NFIB: variants seen among roughly 807,000 people sequenced by gnomAD.
NFIB encodes nuclear factor I B, also known as nuclear factor 1 B-type.
Under a neutral mutation model 61.5 loss-of-function variants are expected in NFIB, and 11 were observed. The observed-to-expected ratio is 0.18, with a 90% CI of 0.11 to 0.30. The LOEUF (loss-of-function observed/expected upper bound fraction) is 0.30. Ranked by LOEUF, NFIB falls within the 10% of genes least tolerant of loss-of-function variation. The probability of loss-of-function intolerance (pLI) is 1.00; values close to 1 mark genes in which losing one functional copy is unlikely to be tolerated. For synonymous variants in NFIB, 260 were observed against 216.5 expected, an observed-to-expected ratio of 1.20 and a Z score of -1.76; for missense variants, 471 against 608.9, an observed-to-expected ratio of 0.77 and a Z score of 2.38.
intron 2 of NFIB, among the ~76,000 whole-genome samples, chr9:14,212,998 C>T (rs763347280): frequency 6.6e-5 from 10 of 152,164 alleles, no homozygotes; most frequent in Non-Finnish European, 1.0e-4. Context: ...CACACAAACA[C>T]AATATGCATC....
the NFIB span, among the ~76,000 whole-genome samples, chr9:14,420,463 A>AAC: frequency 6.6e-6 from 1 of 150,542 alleles, no homozygotes; most frequent in Non-Finnish European, 1.5e-5. Flanking sequence ...AAAAAAAAAA[A>AAC]AAAAAAAGAT....
the NFIB span, among the ~76,000 whole-genome samples, chr9:14,438,752 G>C: frequency 2.4e-4 from 37 of 152,216 alleles, 1 homozygote; most frequent in South Asian, 6.9e-3. Flanking sequence ...AACCTCGTGA[G>C]CGGGGGCTGA....
intron 2 of NFIB, among the ~76,000 whole-genome samples, chr9:14,249,022 C>T (rs1285264891): frequency 6.6e-6 from 1 of 152,196 alleles, no homozygotes; most frequent in Non-Finnish European, 1.5e-5. Context: ...CCCTTTCTCA[C>T]TTCAGTCTGT....
At chr9:14,116,478 T>A in intron 8 of NFIB, 132 bp from the exon 9 acceptor site, 1 of 910,910 alleles carries the variant, frequency 1.1e-6, no homozygotes, top group Non-Finnish European at 1.5e-6. Context: ...CCCTCTCGAG[T>A]CGGAGTCGGA....
Position 14,307,893 on chromosome 9 carries a change from G to A in NFIB, c.31-373C>T, listed in dbSNP as rs528170875. The A allele has an allele frequency of 8.1e-5, 14 of 172,074 alleles. No individual in the cohort carries two copies. Among genetic ancestry groups the A allele is most frequent in the South Asian group, 2.9e-4 (2 of 6,860 alleles). The allele number at this position is 172,074 out of a possible 1,614,324, so 10.7% of individuals were successfully genotyped here. Reference sequence around the variant, plus strand: ...CACCTAATATAGTATTTCAATATTTGATTGACCAACTAACACTATGCAGTA... The same window carrying A: ...CACCTAATATAGTATTTCAATATTTAATTGACCAACTAACACTATGCAGTA... On this transcript the variant is annotated intron_variant, in intron 1 of 10. Transcript: ENST00000380953. The surrounding 1 kb of genome is among the most constrained non-coding windows in gnomAD (Gnocchi z 5.3).
In NFIB at chr9:14,249,819, T is replaced by C. The variant is rs114363937; in HGVS notation, c.562+57170A>G. On this transcript the variant is annotated intron_variant, in intron 2 of 10. Transcript: ENST00000380953. Reference sequence around the variant, plus strand: ...ACCCCTTCACCACCCTTAAGCCCTTTCTTGAGATAATTTAGGGCCTAGCAA... The same window carrying C: ...ACCCCTTCACCACCCTTAAGCCCTTCCTTGAGATAATTTAGGGCCTAGCAA... Among the ~76,000 whole-genome samples the C allele has an allele frequency of 3.8e-3, 571 of 152,166 alleles. 2 individuals are homozygous for C. The highest frequency in any genetic ancestry group is 0.013 in the African/African-American group (555 of 41,488).
At chr9:14,346,195 C>T (rs1255361494) in intron 1 of NFIB, among the ~76,000 whole-genome samples, 1 of 151,484 alleles carries the variant, frequency 6.6e-6, no homozygotes, top group East Asian at 2.0e-4. Flanking sequence ...GCGCCGGAGT[C>T]AAGTCTCCTG....
intron 2 of NFIB, among the ~76,000 whole-genome samples, chr9:14,240,158 T>C (rs949545260): frequency 3.3e-5 from 5 of 152,156 alleles, no homozygotes; most frequent in Non-Finnish European, 7.4e-5. Context: ...GTGTAGCCTA[T>C]GGAAACATTT....
intron 8 of NFIB, among the ~76,000 whole-genome samples, chr9:14,119,986 G>A (rs1030764377): frequency 4.6e-5 from 7 of 152,196 alleles, no homozygotes; most frequent in Non-Finnish European, 1.0e-4. Flanking sequence ...CAAACACTGA[G>A]AATGTTTACA....
At chr9:14,280,846 G>C (rs1475055722) in intron 2 of NFIB, among the ~76,000 whole-genome samples, 1 of 152,140 alleles carries the variant, frequency 6.6e-6, no homozygotes, top group Admixed American at 6.5e-5. Context: ...CTGATAACTG[G>C]TTTCCTTGGA....
At chr9:14,218,231 A>G (rs1201873073) in intron 2 of NFIB, among the ~76,000 whole-genome samples, 2 of 152,250 alleles carry the variant, frequency 1.3e-5, no homozygotes, top group African/African-American at 2.4e-5. Flanking sequence ...CATTATCACC[A>G]TATTGAAGCC....
chr9:14,258,128 T>G (rs1427162142), intron 2 of NFIB, among the ~76,000 whole-genome samples: 1 of 152,152 alleles, frequency 6.6e-6, no homozygotes, highest in Non-Finnish European at 1.5e-5. Context: ...GAACATGAAT[T>G]TAATAGAAGC....
intron 2 of NFIB, among the ~76,000 whole-genome samples, chr9:14,213,425 T>C (rs1344146717): frequency 6.6e-6 from 1 of 152,234 alleles, no homozygotes; most frequent in Non-Finnish European, 1.5e-5. Flanking sequence ...AGCTTTAACA[T>C]GCACAAGAAT....
At chr9:14,453,801 G>A in the NFIB span, among the ~76,000 whole-genome samples, 3 of 152,086 alleles carry the variant, frequency 2.0e-5, no homozygotes, top group Non-Finnish European at 2.9e-5. Context: ...ATACAATATA[G>A]GCTGGGCACG....
the NFIB span, among the ~76,000 whole-genome samples, chr9:14,517,452 C>A: frequency 6.6e-6 from 1 of 152,220 alleles, no homozygotes; most frequent in Non-Finnish European, 1.5e-5. Context: ...GTAGGTAACA[C>A]AGTACATCTG....
intron 2 of NFIB, among the ~76,000 whole-genome samples, chr9:14,245,643 C>G (rs910428378): frequency 6.6e-6 from 1 of 152,056 alleles, no homozygotes; most frequent in African/African-American, 2.4e-5. Flanking sequence ...GAGGCAAAGG[C>G]AGGTGGATTA....
the NFIB span, among the ~76,000 whole-genome samples, chr9:14,445,220 T>C: frequency 6.6e-6 from 1 of 152,192 alleles, no homozygotes; most frequent in Admixed American, 6.5e-5. Context: ...AATTAACCTG[T>C]ATATTTTGGG....
intron 1 of NFIB, among the ~76,000 whole-genome samples, chr9:14,353,575 G>A (rs1334800742): frequency 6.6e-6 from 1 of 152,130 alleles, no homozygotes; most frequent in Non-Finnish European, 1.5e-5. Flanking sequence ...AAACTGAAAG[G>A]AGGGAAGTCA....
intron 4 of NFIB, among the ~76,000 whole-genome samples, chr9:14,153,712 G>A (rs937059860): frequency 6.6e-6 from 1 of 152,124 alleles, no homozygotes; most frequent in African/African-American, 2.4e-5. Context: ...CTAGAGGACT[G>A]AAAGCACTAG....
Sources: allele counts gnomAD v4.1 joint callset (sites outside exome capture counted in the v4.1 genomes callset), GRCh38; gene constraint gnomAD v4.1.1; non-coding constraint Gnocchi (gnomAD v3.1); transcripts MANE v1.5; gene names NCBI Gene and HGNC (gene_info 2026-07-23, HGNC 2026-07-21).